The following KCNT2 variants were observed in gnomAD, a reference collection of about 807,000 sequenced individuals.
KCNT2 encodes potassium sodium-activated channel subfamily T member 2.
KCNT2 carries 67 observed loss-of-function variants against 153.8 expected under a neutral mutation model. The ratio of observed to expected loss-of-function variants is 0.44; its 90% CI spans 0.36 to 0.53. KCNT2 has a LOEUF of 0.53. Among genes scored for constraint, KCNT2 ranks in the 20% least tolerant of loss-of-function variants. The pLI is 0.00. For synonymous variants in KCNT2, 500 were observed against 458.8 expected (o/e 1.09, Z -1.15); for missense variants, 975 against 1,354.8 (o/e 0.72, Z 4.40).
intron 12 of KCNT2, among the ~76,000 whole-genome samples, chr1:196,415,125 C>T (rs1257584056): frequency 1.3e-5 from 2 of 151,874 alleles, no homozygotes; most frequent in Admixed American, 6.6e-5. Flanking sequence ...CTGGACCAAG[C>T]TCTCATGTAT....
At chr1:196,466,039 G>A (rs988130529) in intron 7 of KCNT2, among the ~76,000 whole-genome samples, 20 of 151,962 alleles carry the variant, frequency 1.3e-4, no homozygotes, top group African/African-American at 4.8e-4. Flanking sequence ...TCTAATGGCA[G>A]AGGTATTAAT....
At chr1:196,335,373 G>C (rs1053713593) in intron 16 of KCNT2, among the ~76,000 whole-genome samples, 4 of 152,046 alleles carry the variant, frequency 2.6e-5, no homozygotes, top group African/African-American at 9.7e-5. Flanking sequence ...ATATGGTATA[G>C]CCTACTGCTA....
intron 12 of KCNT2, 145 bp from the exon 13 acceptor site, chr1:196,398,816 T>C: frequency 2.0e-6 from 1 of 491,064 alleles, no homozygotes; most frequent in Non-Finnish European, 3.7e-6. Context: ...TAAGGATACC[T>C]ATTATTTCCA....
intron 8 of KCNT2, among the ~76,000 whole-genome samples, chr1:196,435,029 C>G (rs187923840): frequency 1.3e-5 from 2 of 150,348 alleles, no homozygotes; most frequent in East Asian, 4.0e-4. Flanking sequence ...GAAAATCTGC[C>G]CTGGAAATCA....
intron 25 of KCNT2, among the ~76,000 whole-genome samples, chr1:196,261,222 A>C (rs1051433355): frequency 1.3e-5 from 2 of 151,904 alleles, no homozygotes; most frequent in Non-Finnish European, 2.9e-5. Context: ...CAGAGTCACA[A>C]TGATAGAGTG....
intron 16 of KCNT2, among the ~76,000 whole-genome samples, chr1:196,339,272 T>A (rs914936131): frequency 6.6e-6 from 1 of 152,050 alleles, no homozygotes; most frequent in African/African-American, 2.4e-5. Flanking sequence ...TCATATACTG[T>A]GAAGACAATC....
intron 9 of KCNT2, 92 bp from the exon 10 acceptor site, chr1:196,428,361 T>C: frequency 1.2e-6 from 1 of 865,736 alleles, no homozygotes; most frequent in Non-Finnish European, 1.8e-6. Context: ...GTATTTTCAA[T>C]TTCCTAGATG....
intron 21 of KCNT2, among the ~76,000 whole-genome samples, chr1:196,309,420 A>G (rs1246892323): frequency 6.6e-6 from 1 of 151,918 alleles, no homozygotes; most frequent in Non-Finnish European, 1.5e-5. Flanking sequence ...AAGTGAGTGA[A>G]AATATGGTTG....
At chr1:196,422,319 G>C (rs2148518088) in intron 12 of KCNT2, among the ~76,000 whole-genome samples, 1 of 151,956 alleles carries the variant, frequency 6.6e-6, no homozygotes, top group East Asian at 1.9e-4. Context: ...ATTCTCTATA[G>C]AAACCACCAA....
intron 12 of KCNT2, among the ~76,000 whole-genome samples, chr1:196,411,460 A>AG (rs1359881546): frequency 8.0e-5 from 12 of 149,776 alleles, no homozygotes; most frequent in African/African-American, 3.0e-4. Context: ...AAAAAAAAAA[A>AG]AAAAAAAAAC....
At chr1:196,449,944 T>G (rs1457971207) in intron 8 of KCNT2, among the ~76,000 whole-genome samples, 1 of 151,808 alleles carries the variant, frequency 6.6e-6, no homozygotes, top group Admixed American at 6.6e-5. Context: ...AAAAATGTAC[T>G]ATAAAAGCTC....
intron 16 of KCNT2, 103 bp from the exon 17 acceptor site, chr1:196,334,163 T>C (rs1351247058): frequency 6.0e-6 from 4 of 667,284 alleles, no homozygotes; most frequent in East Asian, 2.7e-5. Context: ...AATAAATATA[T>C]ATATAGAGAG....
At chr1:196,266,560 T>C (rs1657560480) in intron 25 of KCNT2, among the ~76,000 whole-genome samples, 1 of 152,176 alleles carries the variant, frequency 6.6e-6, no homozygotes, top group African/African-American at 2.4e-5. Flanking sequence ...ACAAGTAGTT[T>C]GACAATATAG....
intron 14 of KCNT2, among the ~76,000 whole-genome samples, chr1:196,351,103 G>A (rs1298389032): frequency 1.3e-5 from 2 of 152,252 alleles, no homozygotes; most frequent in African/African-American, 4.8e-5. Flanking sequence ...TTTGGTTACT[G>A]TAGCCTTGTC....
At chr1:196,271,860 T>C (rs903808154) in intron 25 of KCNT2, among the ~76,000 whole-genome samples, 1 of 151,890 alleles carries the variant, frequency 6.6e-6, no homozygotes, top group African/African-American at 2.4e-5. Flanking sequence ...TTTATAACTT[T>C]AAGTGAATTG....
intron 1 of KCNT2, among the ~76,000 whole-genome samples, chr1:196,559,462 G>A (rs190080963): frequency 1.4e-4 from 21 of 151,684 alleles, no homozygotes; most frequent in African/African-American, 4.1e-4. Context: ...TTTCAGATAC[G>A]TTCTTAGGGT....
At chr1:196,437,104 T>TATATATATTTATATATATATCA (rs1553326939) in intron 8 of KCNT2, among the ~76,000 whole-genome samples, 18 of 428 alleles carry the variant, frequency 0.042, no homozygotes, top group Non-Finnish European at 0.073. Context: ...TATATATATT[T>TATATATATTTATATATATATCA]ATATATATTT....
rs1262706991 is a variant in KCNT2 at position 196,592,532 on chromosome 1, C to G, written c.95+15683G>C. 6.3e-4 allele frequency among the ~76,000 whole-genome samples: 92 copies of G among 146,448 alleles called. 1 individual carries two copies. In the Admixed American group the frequency reaches 6.3e-3, roughly 10 times the overall value. ...TATAAATATATTAATATATAACTTTCTAACTATATATAAATATATAAATGT... is the reference window on the plus strand; with the variant it reads ...TATAAATATATTAATATATAACTTTGTAACTATATATAAATATATAAATGT... On this transcript the variant is annotated intron_variant, in intron 1 of 27. Transcript: ENST00000294725.
At chr1:196,413,526 G>C (rs1248049921) in intron 12 of KCNT2, among the ~76,000 whole-genome samples, 1 of 151,500 alleles carries the variant, frequency 6.6e-6, no homozygotes, top group Non-Finnish European at 1.5e-5. Flanking sequence ...CAGATAACTA[G>C]CATTATGATA....
Sources: allele counts gnomAD v4.1 joint callset (sites outside exome capture counted in the v4.1 genomes callset), GRCh38; gene constraint gnomAD v4.1.1; transcripts MANE v1.5; gene names NCBI Gene and HGNC (gene_info 2026-07-23, HGNC 2026-07-21).